Variants in GNRHR observed in about 807,000 individuals in gnomAD.
GNRHR encodes gonadotropin releasing hormone receptor.
GNRHR carries 14 observed loss-of-function variants against 28.1 expected under a neutral mutation model. The observed-to-expected ratio is 0.50, with a 90% CI of 0.33 to 0.78. GNRHR has a LOEUF of 0.78. Ranked by LOEUF, GNRHR falls within the 30% of genes least tolerant of loss-of-function variation. The pLI, the probability that GNRHR is intolerant of heterozygous loss-of-function variation, is 0.02. For missense variants in GNRHR, 366 were observed against 382.1 expected, an observed-to-expected ratio of 0.96 and a Z score of 0.35; for synonymous variants, 141 against 140.5, an observed-to-expected ratio of 1.00 and a Z score of -0.02.
chr4:67,749,140 G>A lies in GNRHR; in HGVS notation c.523-4353C>T, dbSNP rs536127728. Among the ~76,000 whole-genome samples, 43 of 152,238 alleles carry A rather than the reference G, an allele frequency of 2.8e-4. No homozygotes were observed. In the South Asian group the frequency reaches 8.7e-3, roughly 31 times the overall value. ...GCACAGTACTATGTTGTAGCACAAT[G>A]TTAGGCATATTGTACCTGTGTGATA... On this transcript the variant is annotated intron_variant, in intron 1 of 2. Transcript: ENST00000226413.
chr4:67,744,812 G>A (rs763579205), intron 1 of GNRHR, 25 bp from the exon 2 acceptor site: 2 of 1,327,234 alleles, frequency 1.5e-6, no homozygotes, highest in South Asian at 2.4e-5. Flanking sequence ...AAAAAGCTAT[G>A]TTACTTTTTT....
Position 67,740,559 on chromosome 4 carries a change from G to A in GNRHR, c.908C>T (p.Pro303Leu). The A allele has an allele frequency of 6.2e-7, 1 of 1,606,238 alleles. No individual in the cohort carries two copies. The highest frequency in any genetic ancestry group is 8.5e-7 in the Non-Finnish European group (1 of 1,172,830). Residue 303 changes from proline to leucine, a missense_variant, in exon 3 of 3, where the codon CCA becomes CTA. Physicochemically the swap from Pro to Leu is moderately conservative, Grantham distance 98. Transcript: ENST00000226413. Reference sequence around the variant, plus strand: ...AAAGAGAAAGAAGAAGTGATTTACTGGGTCTGACAACCTGTTTAACATTTC... The same window carrying A: ...AAAGAGAAAGAAGAAGTGATTTACTAGGTCTGACAACCTGTTTAACATTTC... Reference protein sequence around the residue: ...DPEMLNRLSDPVNHFFFLFAF... With the variant: ...DPEMLNRLSDLVNHFFFLFAF...
chr4:67,750,156 G>A (rs768997868), intron 1 of GNRHR, among the ~76,000 whole-genome samples: 1 of 152,082 alleles, frequency 6.6e-6, no homozygotes, highest in Non-Finnish European at 1.5e-5. Context: ...TCACATAGCT[G>A]GTAGGCAGTA....
Position 67,753,989 on chromosome 4 carries a change from A to G in GNRHR, c.347T>C (p.Val116Ala), listed in dbSNP as rs765033326. The change falls in exon 1 of 3, where the codon GTT becomes GCT. Residue 116 changes from valine to alanine, a missense_variant. Physicochemically the swap from Val to Ala is moderately conservative, Grantham distance 64. Coordinates refer to ENST00000226413, the MANE Select transcript of GNRHR (RefSeq NM_000406.3). ...GGAGAAAAGCTTTAGATAACTGAGA[A>G]CTTTGCAGAGTAACTCTCCAGCATA... Reference protein sequence around the residue: ...QWYAGELLCKVLSYLKLFSMY... With the variant: ...QWYAGELLCKALSYLKLFSMY... The G allele has an allele frequency of 2.5e-6, 4 of 1,613,878 alleles. No homozygotes were observed. In the East Asian group the frequency reaches 8.9e-5, roughly 36 times the overall value.
chr4:67,749,399 G>T (rs1035765775), intron 1 of GNRHR, among the ~76,000 whole-genome samples: 1 of 152,084 alleles, frequency 6.6e-6, no homozygotes, highest in Non-Finnish European at 1.5e-5. Flanking sequence ...GCTTAACACA[G>T]ATAAGCTATG....
chr4:67,744,827 A>T, intron 1 of GNRHR, 40 bp from the exon 2 acceptor site: 5 of 1,210,140 alleles, frequency 4.1e-6, no homozygotes, highest in Non-Finnish European at 6.1e-6. Flanking sequence ...TTTTTTCCAT[A>T]TGGTATTTGA....
At position 67,753,884 on chromosome 4, in the gene GNRHR, CT is replaced by C; in HGVS notation, c.451del (p.Ser151AlafsTer30). 6.2e-7 allele frequency: 1 copy of C among 1,613,946 alleles called. No individual in the cohort carries two copies. Among genetic ancestry groups the C allele is most frequent in the Non-Finnish European group, 8.5e-7 (1 of 1,179,946 alleles). On this transcript the variant is annotated frameshift_variant, in exon 1 of 3. Coordinates refer to ENST00000226413, the MANE Select transcript of GNRHR (RefSeq NM_000406.3). LOFTEE classifies it high-confidence loss of function. ...LAITRPLALK[S>X]NSKVGQSMVG... ...CATGGACTGTCCGACTTTGCTGTTG[CT>C]TTTCAAAGCTAGGGGCCTCGTGATA...
intron 2 of GNRHR, among the ~76,000 whole-genome samples, chr4:67,743,314 C>G (rs1265772937): frequency 3.9e-5 from 6 of 151,984 alleles, no homozygotes; most frequent in African/African-American, 1.4e-4. Context: ...ATTTAAAATT[C>G]AAAAAACCAT....
chr4:67,750,033 A>G (rs1160162254), intron 1 of GNRHR, among the ~76,000 whole-genome samples: 3 of 152,178 alleles, frequency 2.0e-5, no homozygotes, highest in African/African-American at 7.2e-5. Context: ...AAAGAAGAAA[A>G]ATAAATATTA....
chr4:67,742,002 G>C (rs890348516), intron 2 of GNRHR, among the ~76,000 whole-genome samples: 1 of 152,042 alleles, frequency 6.6e-6, no homozygotes, highest in East Asian at 1.9e-4. Flanking sequence ...TCTGTGGGCC[G>C]TCTGTTAACT....
chr4:67,743,157 G>C (rs962740331), intron 2 of GNRHR, among the ~76,000 whole-genome samples: 1 of 151,910 alleles, frequency 6.6e-6, no homozygotes, highest in Non-Finnish European at 1.5e-5. Flanking sequence ...TCATCGTCTT[G>C]GTCAGGCTGG....
At chr4:67,741,441 C>T (rs1224857412) in intron 2 of GNRHR, among the ~76,000 whole-genome samples, 2 of 152,052 alleles carry the variant, frequency 1.3e-5, no homozygotes, top group African/African-American at 4.8e-5. Context: ...TTTTTATTCA[C>T]TCATTGATTG....
chr4:67,746,038 G>A (rs566527593), intron 1 of GNRHR, among the ~76,000 whole-genome samples: 1 of 152,018 alleles, frequency 6.6e-6, no homozygotes, highest in Non-Finnish European at 1.5e-5. Context: ...AAATTAAACC[G>A]GGATAACTTA....
chr4:67,744,057 G>A (rs1179916993), intron 2 of GNRHR, among the ~76,000 whole-genome samples: 1 of 152,110 alleles, frequency 6.6e-6, no homozygotes, highest in Non-Finnish European at 1.5e-5. Context: ...AGCAAAAAAG[G>A]TACAAACACA....
chr4:67,741,615 G>A (rs1731662245), intron 2 of GNRHR, among the ~76,000 whole-genome samples: 1 of 152,128 alleles, frequency 6.6e-6, no homozygotes, highest in South Asian at 2.1e-4. Context: ...AGTTCTTTAA[G>A]GAATCTCCAC....
chr4:67,751,946 C>A (rs59833544), intron 1 of GNRHR, among the ~76,000 whole-genome samples: 1 of 152,146 alleles, frequency 6.6e-6, no homozygotes, highest in Non-Finnish European at 1.5e-5. Context: ...CCCTTCCCAC[C>A]GGATCATTTC....
At chr4:67,744,110 T>C (rs1254479338) in intron 2 of GNRHR, among the ~76,000 whole-genome samples, 1 of 152,220 alleles carries the variant, frequency 6.6e-6, no homozygotes, top group Non-Finnish European at 1.5e-5. Flanking sequence ...ATAGTCAATA[T>C]TTCGCATATT....
chr4:67,749,818 T>G (rs139310780), intron 1 of GNRHR, among the ~76,000 whole-genome samples: 10 of 152,242 alleles, frequency 6.6e-5, no homozygotes, highest in Middle Eastern at 3.4e-3. Flanking sequence ...GATAGCTTTG[T>G]GACCAGGGAG....
intron 1 of GNRHR, 41 bp downstream of exon 1, chr4:67,753,773 A>G (rs755796600): frequency 1.3e-6 from 2 of 1,518,354 alleles, no homozygotes; most frequent in Admixed American, 1.7e-5. Context: ...TAGGAAATCT[A>G]TGATCACCAT....
Sources: allele counts gnomAD v4.1 joint callset (sites outside exome capture counted in the v4.1 genomes callset), GRCh38; gene constraint gnomAD v4.1.1; transcripts MANE v1.5; gene names NCBI Gene and HGNC (gene_info 2026-07-23, HGNC 2026-07-21).